The following IL15RA variants were observed in gnomAD, a reference collection of about 807,000 sequenced individuals.
IL15RA encodes interleukin 15 receptor subunit alpha.
In IL15RA, 26 loss-of-function variants were observed where a neutral mutation model predicts 24.2. That is an observed-to-expected ratio of 1.07 (90% CI 0.79 to 1.49). The LOEUF (loss-of-function observed/expected upper bound fraction) is 1.49, where lower values mean the gene tolerates loss of function less well. Among genes scored for constraint, IL15RA ranks in the 40% most tolerant of loss-of-function variants. IL15RA has a pLI of 0.00. For synonymous variants in IL15RA, 166 were observed against 157.6 expected (o/e 1.05, Z -0.40); for missense variants, 354 against 356.4 (o/e 0.99, Z 0.05).
rs1342431621 is a variant in IL15RA at position 5,966,010 on chromosome 10, C to T, written c.283+135G>A. 2.1e-5 allele frequency: 12 copies of T among 578,018 alleles called. No homozygotes were observed. The highest frequency in any genetic ancestry group is 2.4e-5 in the Non-Finnish European group (8 of 334,036). The allele number at this position is 578,018 out of a possible 1,614,324, so 35.8% of individuals were successfully genotyped here. On this transcript the variant is annotated intron_variant, in intron 2 of 6. Transcript: ENST00000379977. The surrounding 1 kb of genome is among the most constrained non-coding windows in gnomAD (Gnocchi z 6.4). ...TGCTGGGATTACAGGTGTGAGCCAC[C>T]GTGCCCGGCCCCCACTGGTGTGTTT...
In IL15RA at chr10:5,966,058, C is replaced by A. The variant is rs531569259; in HGVS notation, c.283+87G>T. The A allele has an allele frequency of 4.2e-6, 4 of 942,610 alleles. No homozygotes were observed. The African/African-American group carries it at 6.4e-5, about 15-fold the overall frequency. 58.4% of individuals were successfully genotyped at this position (942,610 alleles called of 1,614,324 possible). A position where few individuals can be genotyped will look rare whatever the true frequency, so the allele number is the denominator to read the frequency against. On this transcript the variant is annotated intron_variant, in intron 2 of 6. Coordinates refer to ENST00000379977, the MANE Select transcript of IL15RA (RefSeq NM_002189.4). This position sits in a 1 kb window ranked among gnomAD's most constrained non-coding sequence, Gnocchi z 6.4. The stretch of plus-strand genomic sequence containing the variant: ...TTTAGCCTCAGACCTCAGCACAGAT[C>A]CCTTGACCCCTGAGATGGGGTCTTC...
At position 5,961,919 on chromosome 10, in the gene IL15RA, C is replaced by G. The variant is rs1835630825; in HGVS notation, c.383-1352G>C. On this transcript the variant is annotated intron_variant, in intron 3 of 6. Coordinates refer to ENST00000379977, the MANE Select transcript of IL15RA (RefSeq NM_002189.4). This position sits in a 1 kb window ranked among gnomAD's most constrained non-coding sequence, Gnocchi z 5.2. Reference sequence around the variant, plus strand: ...GTCACCACCTTTCATATAACTTGCCCTACGCTCACTGCCAATGCTCCAGGG... The same window carrying G: ...GTCACCACCTTTCATATAACTTGCCGTACGCTCACTGCCAATGCTCCAGGG... 6.6e-6 allele frequency among the ~76,000 whole-genome samples: 1 copy of G among 152,218 alleles called. No homozygotes were observed. Among genetic ancestry groups the G allele is most frequent in the Non-Finnish European group, 1.5e-5 (1 of 68,042 alleles).
chr10:5,949,906 G>C (rs1833757376), downstream of IL15RA, among the ~76,000 whole-genome samples: 2 of 152,046 alleles, frequency 1.3e-5, no homozygotes, highest in African/African-American at 4.8e-5. This position sits in a 1 kb window ranked among gnomAD's most constrained non-coding sequence, Gnocchi z 4.4. Flanking sequence ...GACCAGCCTG[G>C]CCAACATGGT....
Position 5,959,617 on chromosome 10 carries a change from T to C in IL15RA, c.616+137A>G. ...ATCAGCTATTACTTAACTTATTATC[T>C]GATGGAGGCCTTCTGAGTGTGGAAG... On this transcript the variant is annotated intron_variant, in intron 5 of 6. Transcript: ENST00000379977. This position sits in a 1 kb window ranked among gnomAD's most constrained non-coding sequence, Gnocchi z 4.1. 1.4e-6 allele frequency: 1 copy of C among 728,286 alleles called. No homozygotes were observed. Among genetic ancestry groups the C allele is most frequent in the South Asian group, 1.5e-5 (1 of 65,930 alleles). The allele number at this position is 728,286 out of a possible 1,614,324, so 45.1% of individuals were successfully genotyped here. A position where few individuals can be genotyped will look rare whatever the true frequency, so the allele number is the denominator to read the frequency against.
At chr10:5,951,591 C>T (rs1015684775), downstream of IL15RA, among the ~76,000 whole-genome samples, 2 of 152,158 alleles carry the variant, frequency 1.3e-5, no homozygotes, top group Non-Finnish European at 2.9e-5. Context: ...TTTAGGAGGC[C>T]GAGGTGAGTG....
chr10:5,957,216 C>G (rs1274746612), intron 5 of IL15RA, among the ~76,000 whole-genome samples: 3 of 152,130 alleles, frequency 2.0e-5, no homozygotes, highest in Non-Finnish European at 4.4e-5. Context: ...CTGCCTCAGC[C>G]TCCCAAAGTG....
chr10:5,955,439 G>T lies in IL15RA; in HGVS notation c.692+940C>A, dbSNP rs1203998068. 6.6e-6 allele frequency among the ~76,000 whole-genome samples: 1 copy of T among 152,100 alleles called. No individual in the cohort carries two copies. The highest frequency in any genetic ancestry group is 6.6e-5 in the Admixed American group (1 of 15,258). ...TTATATTGATATCACATTTAGAAAA[G>T]AATGTTTTATAACTATTAATAGTAA... On this transcript the variant is annotated intron_variant, in intron 6 of 6. Coordinates refer to ENST00000379977, the MANE Select transcript of IL15RA (RefSeq NM_002189.4). The surrounding 1 kb of genome is among the most constrained non-coding windows in gnomAD (Gnocchi z 5.3).
rs932421848 is a variant in IL15RA, at chr10:5,965,618, G to A, written c.283+527C>T. 6.6e-6 allele frequency among the ~76,000 whole-genome samples: 1 copy of A among 152,232 alleles called. No homozygotes were observed. The highest frequency in any genetic ancestry group is 1.5e-5 in the Non-Finnish European group (1 of 68,038). ...AAGAGCTGCCCAAGGCCTCCTGGGTGGTAGGCGGCAAAGCCAGGATTTAAA... is the reference window on the plus strand; with the variant it reads ...AAGAGCTGCCCAAGGCCTCCTGGGTAGTAGGCGGCAAAGCCAGGATTTAAA... On this transcript the variant is annotated intron_variant, in intron 2 of 6. Coordinates refer to ENST00000379977, the MANE Select transcript of IL15RA (RefSeq NM_002189.4). This position sits in a 1 kb window ranked among gnomAD's most constrained non-coding sequence, Gnocchi z 5.8.
At position 5,960,585 on chromosome 10, in the gene IL15RA, G is replaced by T; in HGVS notation, c.383-18C>A. 1 of 1,610,714 alleles carries T rather than the reference G, an allele frequency of 6.2e-7. No individual in the cohort carries two copies. The highest frequency in any genetic ancestry group is 8.5e-7 in the Non-Finnish European group (1 of 1,177,838). ...TGCGGGCTCTGTAGGAGAGTCCAAG[G>T]CAGGGACAACATCAGTGTGCAGACT... On this transcript the variant is annotated intron_variant, in intron 3 of 6. Transcript: ENST00000379977. This position sits in a 1 kb window ranked among gnomAD's most constrained non-coding sequence, Gnocchi z 5.1.
In IL15RA at chr10:5,963,210, A is replaced by G. The variant is rs1203794470; in HGVS notation, c.382+533T>C. Among the ~76,000 whole-genome samples the G allele has an allele frequency of 1.3e-5, 2 of 152,204 alleles. No homozygotes were observed. The highest frequency in any genetic ancestry group is 3.9e-4 in the East Asian group (2 of 5,192). ...CAGAGAGCAGGTGTGATTACTGCCCATGACAAAACGCTTGGGTCTCGGAAG... is the reference window on the plus strand; with the variant it reads ...CAGAGAGCAGGTGTGATTACTGCCCGTGACAAAACGCTTGGGTCTCGGAAG... On this transcript the variant is annotated intron_variant, in intron 3 of 6. Coordinates refer to ENST00000379977, the MANE Select transcript of IL15RA (RefSeq NM_002189.4). The surrounding 1 kb of genome is among the most constrained non-coding windows in gnomAD (Gnocchi z 5.3).
rs1259967736 is a variant in IL15RA, at chr10:5,959,730, T to C, written c.616+24A>G. 1 of 1,611,970 alleles carries C rather than the reference T, an allele frequency of 6.2e-7. No individual in the cohort carries two copies. ...ACTGCGGTCACCCTGATCATAAACA[T>C]ACCGGACAAAGGGACACACTTACCA... On this transcript the variant is annotated intron_variant, in intron 5 of 6. Transcript: ENST00000379977. This position sits in a 1 kb window ranked among gnomAD's most constrained non-coding sequence, Gnocchi z 4.1.
At chr10:5,956,278 G>A (rs547761257) in intron 6 of IL15RA, 101 bp downstream of exon 6, 1 of 901,922 alleles carries the variant, frequency 1.1e-6, no homozygotes, top group East Asian at 2.6e-5. Flanking sequence ...GCCTCCCAAA[G>A]TGCTGGAATT....
At chr10:5,950,359 G>A (rs1833783008), downstream of IL15RA, among the ~76,000 whole-genome samples, 1 of 152,096 alleles carries the variant, frequency 6.6e-6, no homozygotes, top group Non-Finnish European at 1.5e-5. The surrounding 1 kb of genome is among the most constrained non-coding windows in gnomAD (Gnocchi z 5.6). Context: ...TTAGAATACG[G>A]TGCTCCCATC....
At position 5,975,462 on chromosome 10, in the gene IL15RA, G is replaced by C. The variant is rs964886960; in HGVS notation, c.88+1943C>G. On this transcript the variant is annotated intron_variant, in intron 1 of 6. Coordinates refer to ENST00000379977, the MANE Select transcript of IL15RA (RefSeq NM_002189.4). The surrounding 1 kb of genome is among the most constrained non-coding windows in gnomAD (Gnocchi z 4.8). ...GAGGAAGTCTTTGGGAGTGATAGTT[G>C]TGTTCACTCTTGGTGGTGGCAGTGG... Among the ~76,000 whole-genome samples, 1 of 150,738 alleles carries C rather than the reference G, an allele frequency of 6.6e-6. No individual in the cohort carries two copies. Among genetic ancestry groups the C allele is most frequent in the African/African-American group, 2.5e-5 (1 of 40,092 alleles).
At position 5,960,719 on chromosome 10, in the gene IL15RA, C is replaced by A. The variant is rs1445986745; in HGVS notation, c.383-152G>T. The A allele has an allele frequency of 3.0e-6, 2 of 674,070 alleles. No individual in the cohort carries two copies. Among genetic ancestry groups the A allele is most frequent in the East Asian group, 2.7e-5 (1 of 36,702 alleles). The allele number at this position is 674,070 out of a possible 1,614,324, so 41.8% of individuals were successfully genotyped here. A position where few individuals can be genotyped will look rare whatever the true frequency, so the allele number is the denominator to read the frequency against. Reference sequence around the variant, plus strand: ...ACTGCTCCTTGAGAGGGTGACATAGCCGTTCCTCTGGAAGGGCCATAGGAC... The same window carrying A: ...ACTGCTCCTTGAGAGGGTGACATAGACGTTCCTCTGGAAGGGCCATAGGAC... On this transcript the variant is annotated intron_variant, in intron 3 of 6. Transcript: ENST00000379977. The surrounding 1 kb of genome is among the most constrained non-coding windows in gnomAD (Gnocchi z 5.1).
At position 5,967,843 on chromosome 10, in the gene IL15RA, G is replaced by C. The variant is rs1262508452; in HGVS notation, c.89-1504C>G. ...GGAGGCTGAGGCAGGCGAATCACCT[G>C]AGGTCAGGAGTTCAGGACCAGCCTG... On this transcript the variant is annotated intron_variant, in intron 1 of 6. Transcript: ENST00000379977. This position sits in a 1 kb window ranked among gnomAD's most constrained non-coding sequence, Gnocchi z 4.4. Among the ~76,000 whole-genome samples, 1 of 152,184 alleles carries C rather than the reference G, an allele frequency of 6.6e-6. No individual in the cohort carries two copies. Among genetic ancestry groups the C allele is most frequent in the Admixed American group, 6.5e-5 (1 of 15,288 alleles).
chr10:5,960,498 T>C lies in IL15RA; in HGVS notation c.452A>G (p.Gln151Arg). The C allele has an allele frequency of 1.9e-6, 3 of 1,614,168 alleles. No homozygotes were observed. The highest frequency in any genetic ancestry group is 2.2e-5 in the South Asian group (2 of 91,078). Residue 151 changes from glutamine (Q) to arginine (R), a missense_variant, in exon 4 of 7, where the codon CAG (glutamine) becomes CGG (arginine). Coordinates refer to ENST00000379977, the MANE Select transcript of IL15RA (RefSeq NM_002189.4). The surrounding 1 kb of genome is among the most constrained non-coding windows in gnomAD (Gnocchi z 5.1). ...ATTAAIVPGS[Q>R]LMPSKSPSTG... ...GGAAGGTGATTTTGAAGGCATCAGCTGGGAGCCCGGGACAATAGCTGCTGT... is the reference window on the plus strand; with the variant it reads ...GGAAGGTGATTTTGAAGGCATCAGCCGGGAGCCCGGGACAATAGCTGCTGT...
chr10:5,966,099 G>T lies in IL15RA; in HGVS notation c.283+46C>A. On this transcript the variant is annotated intron_variant, in intron 2 of 6. Transcript: ENST00000379977. The surrounding 1 kb of genome is among the most constrained non-coding windows in gnomAD (Gnocchi z 6.4). ...TGGGGTCTTCTCTCTGTGCAGCCTTGGCAGGGTGGGGGAGGGAGGAAGGTG... is the reference window on the plus strand; with the variant it reads ...TGGGGTCTTCTCTCTGTGCAGCCTTTGCAGGGTGGGGGAGGGAGGAAGGTG... The T allele has an allele frequency of 7.5e-7, 1 of 1,341,268 alleles. No homozygotes were observed. Among genetic ancestry groups the T allele is most frequent in the Non-Finnish European group, 1.1e-6 (1 of 941,166 alleles). 83.1% of individuals were successfully genotyped at this position (1,341,268 alleles called of 1,614,324 possible). A position where few individuals can be genotyped will look rare whatever the true frequency, so the allele number is the denominator to read the frequency against.
Position 5,964,881 on chromosome 10 carries a change from C to T in IL15RA, c.284-1040G>A, listed in dbSNP as rs1336311805. 1.3e-5 allele frequency among the ~76,000 whole-genome samples: 2 copies of T among 152,254 alleles called. No homozygotes were observed. Among genetic ancestry groups the T allele is most frequent in the Non-Finnish European group, 2.9e-5 (2 of 68,046 alleles). On this transcript the variant is annotated intron_variant, in intron 2 of 6. Coordinates refer to ENST00000379977, the MANE Select transcript of IL15RA (RefSeq NM_002189.4). The surrounding 1 kb of genome is among the most constrained non-coding windows in gnomAD (Gnocchi z 5.6). ...ATTCACTCACTGATGCCACGGGGTG[C>T]TGTGTCCCCAGCGAGTGATTTCTTG...
Sources: allele counts gnomAD v4.1 joint callset (sites outside exome capture counted in the v4.1 genomes callset), GRCh38; gene constraint gnomAD v4.1.1; non-coding constraint Gnocchi (gnomAD v3.1); transcripts MANE v1.5; gene names NCBI Gene and HGNC (gene_info 2026-07-23, HGNC 2026-07-21).